The following NRG1 variants were observed in gnomAD, a reference collection of about 807,000 sequenced individuals.
The protein encoded by NRG1 is neuregulin 1, also known as pro-neuregulin-1, membrane-bound isoform.
Under a neutral mutation model 63.8 loss-of-function variants are expected in NRG1, and 18 were observed. The ratio of observed to expected loss-of-function variants is 0.28; its 90% confidence interval spans 0.19 to 0.42. The LOEUF is 0.42. Among genes scored for constraint, NRG1 ranks in the 10% least tolerant of loss-of-function variants. NRG1 has a pLI of 1.00. For synonymous variants in NRG1, 302 were observed against 301.3 expected (o/e 1.00, Z -0.02); for missense variants, 762 against 814.7 (o/e 0.94, Z 0.79).
chr8:32,667,199 G>A (rs916341298), intron 5 of NRG1, among the ~76,000 whole-genome samples: 5 of 152,110 alleles, frequency 3.3e-5, no homozygotes, highest in Non-Finnish European at 2.9e-5. Flanking sequence ...TAACACAATC[G>A]TAAGTATTTA....
intron 1 of NRG1, among the ~76,000 whole-genome samples, chr8:32,294,144 G>T (rs547370609): frequency 6.6e-6 from 1 of 152,002 alleles, no homozygotes; most frequent in South Asian, 2.1e-4. Context: ...GTCCACGGAG[G>T]TCTCATAAAT....
At position 32,450,277 on chromosome 8, in the gene NRG1, A is replaced by T. The variant is rs1021715571; in HGVS notation, c.38-145551A>T. Among the ~76,000 whole-genome samples, 7 of 152,136 alleles carry T rather than the reference A, an allele frequency of 4.6e-5. 1 individual carries two copies. Among genetic ancestry groups the T allele is most frequent in the Admixed American group, 3.9e-4 (6 of 15,264 alleles). ...AATAAAATCCAGGTGAAGTAGCAGC[A>T]CCTATAGTTCCAGCTACTTGGGAGG... On this transcript the variant is annotated intron_variant, in intron 1 of 10. Transcript: ENST00000519301.
intron 1 of NRG1, among the ~76,000 whole-genome samples, chr8:32,556,110 T>C (rs1835126011): frequency 6.6e-6 from 1 of 152,246 alleles, no homozygotes. Context: ...GTCAGTTTTG[T>C]AGGTCATACC....
intron 1 of NRG1, among the ~76,000 whole-genome samples, chr8:31,659,513 C>A (rs1489461409): frequency 6.6e-6 from 1 of 152,066 alleles, no homozygotes; most frequent in African/African-American, 2.4e-5. Context: ...CTTTCTGAAC[C>A]TCATGCTGAA....
At chr8:32,057,925 T>C (rs1823227784) in intron 1 of NRG1, among the ~76,000 whole-genome samples, 1 of 152,094 alleles carries the variant, frequency 6.6e-6, no homozygotes, top group Non-Finnish European at 1.5e-5. Flanking sequence ...ATGTATTTGA[T>C]AGATGAGTAG....
intron 1 of NRG1, among the ~76,000 whole-genome samples, chr8:31,789,059 G>A (rs1820444243): frequency 6.6e-6 from 1 of 152,094 alleles, no homozygotes; most frequent in African/African-American, 2.4e-5. Flanking sequence ...ACTGACCTAG[G>A]AATCAAGAAA....
At chr8:32,294,223 A>G (rs1854572327) in intron 1 of NRG1, among the ~76,000 whole-genome samples, 1 of 152,082 alleles carries the variant, frequency 6.6e-6, no homozygotes, top group African/African-American at 2.4e-5. Flanking sequence ...CACATGGAGC[A>G]GGTGTCCGAA....
exon 12 of NRG1, chr8:32,766,600 G>A (rs1459113770): frequency 6.6e-6 from 1 of 152,192 alleles, no homozygotes; most frequent in Non-Finnish European, 1.5e-5. Flanking sequence ...ATATCCCATT[G>A]TGGAAGAATT....
In NRG1 at chr8:31,777,575, T is replaced by A. The variant is rs558117768; in HGVS notation, c.37+138144T>A. On this transcript the variant is annotated intron_variant, in intron 1 of 10. Coordinates refer to the NRG1 transcript ENST00000519301. ...TCCCCTGTTCTTAGTTCATTTGTGT[T>A]ACTATAAAGGAATACCTGAAGCTGG... Among the ~76,000 whole-genome samples the A allele has an allele frequency of 7.2e-5, 11 of 152,356 alleles. No individual in the cohort carries two copies. In the East Asian group the frequency reaches 1.9e-3, roughly 27 times the overall value.
intron 1 of NRG1, among the ~76,000 whole-genome samples, chr8:31,734,211 A>G (rs746865656): frequency 1.8e-4 from 28 of 152,186 alleles, no homozygotes; most frequent in Non-Finnish European, 3.7e-4. Flanking sequence ...CTATAGCCCT[A>G]GCTGCCTGGA....
At chr8:32,384,332 G>A (rs1327840716) in intron 1 of NRG1, among the ~76,000 whole-genome samples, 1 of 152,194 alleles carries the variant, frequency 6.6e-6, no homozygotes, top group Non-Finnish European at 1.5e-5. Context: ...TACATATAAT[G>A]AATGCATTGA....
chr8:31,903,135 C>T (rs947495345), intron 1 of NRG1, among the ~76,000 whole-genome samples: 1 of 147,628 alleles, frequency 6.8e-6, no homozygotes, highest in Non-Finnish European at 1.5e-5. Flanking sequence ...TGATTCTGGC[C>T]TAGAGCCTTC....
chr8:32,467,345 T>C (rs1358397994), intron 1 of NRG1, among the ~76,000 whole-genome samples: 1 of 152,124 alleles, frequency 6.6e-6, no homozygotes, highest in East Asian at 1.9e-4. Context: ...GCCCGCCTTT[T>C]GGTCCCGGAG....
chr8:31,972,665 C>G (rs1807494390), intron 1 of NRG1, among the ~76,000 whole-genome samples: 1 of 152,154 alleles, frequency 6.6e-6, no homozygotes, highest in African/African-American at 2.4e-5. Context: ...TTTTTACAAA[C>G]CCCTGGAGCA....
intron 1 of NRG1, among the ~76,000 whole-genome samples, chr8:31,812,228 A>T (rs1822957227): frequency 6.6e-6 from 1 of 152,212 alleles, no homozygotes; most frequent in Non-Finnish European, 1.5e-5. Context: ...ACAGTTTGAG[A>T]GGCTAGAACC....
chr8:32,561,207 T>C (rs1414704162), intron 1 of NRG1, among the ~76,000 whole-genome samples: 2 of 152,212 alleles, frequency 1.3e-5, no homozygotes, highest in South Asian at 4.1e-4. Flanking sequence ...GCACTATATA[T>C]GAATTCAGCT....
chr8:31,747,500 C>T (rs1483279625), intron 1 of NRG1, among the ~76,000 whole-genome samples: 1 of 151,988 alleles, frequency 6.6e-6, no homozygotes, highest in Non-Finnish European at 1.5e-5. Flanking sequence ...TCCTCATCAT[C>T]ATCCAGCATT....
chr8:32,033,028 C>T (rs907744213), intron 1 of NRG1, among the ~76,000 whole-genome samples: 5 of 151,846 alleles, frequency 3.3e-5, no homozygotes, highest in African/African-American at 1.2e-4. Flanking sequence ...GTAGGGTATC[C>T]TTTCCCCATT....
intron 2 of NRG1, among the ~76,000 whole-genome samples, chr8:32,605,154 T>C (rs970321773): frequency 1.6e-4 from 24 of 152,210 alleles, no homozygotes; most frequent in African/African-American, 5.8e-4. Context: ...AACAGACTTG[T>C]AGGAAATGAT....
Sources: allele counts gnomAD v4.1 joint callset (sites outside exome capture counted in the v4.1 genomes callset), GRCh38; gene constraint gnomAD v4.1.1; transcripts MANE v1.5; gene names NCBI Gene and HGNC (gene_info 2026-07-23, HGNC 2026-07-21).